Variants in SCFD2 observed in about 807,000 individuals in gnomAD.
SCFD2 encodes sec1 family domain containing 2.
SCFD2 carries 54 observed loss-of-function variants against 58.9 expected under a neutral mutation model. The observed-to-expected ratio is 0.92, with a 90% CI of 0.74 to 1.15. The LOEUF (loss-of-function observed/expected upper bound fraction) is 1.15, where lower values mean the gene tolerates loss of function less well. Among genes scored for constraint, SCFD2 ranks in the 50% most tolerant of loss-of-function variants. SCFD2 has a pLI of 0.00. For synonymous variants in SCFD2, 321 were observed against 335.9 expected (o/e 0.96, Z 0.49); for missense variants, 805 against 836.6 (o/e 0.96, Z 0.47).
intron 4 of SCFD2, among the ~76,000 whole-genome samples, chr4:53,219,788 A>G (rs1721748492): frequency 6.6e-6 from 1 of 152,120 alleles, no homozygotes; most frequent in Non-Finnish European, 1.5e-5. Flanking sequence ...CGCCCCCGCA[A>G]TATGGTTCTT....
Position 53,003,498 on chromosome 4 carries a change from T to C in SCFD2, c.1562-82628A>G, listed in dbSNP as rs79719016. Among the ~76,000 whole-genome samples the C allele has an allele frequency of 9.3e-3, 1,420 of 152,350 alleles. 7 individuals are homozygous for C. Among genetic ancestry groups the C allele is most frequent in the Non-Finnish European group, 0.016 (1,090 of 68,030 alleles). On this transcript the variant is annotated intron_variant, in intron 5 of 8. Coordinates refer to ENST00000401642, the MANE Select transcript of SCFD2 (RefSeq NM_152540.4). ...GGACATTTCCATCCTCACAGAATGT[T>C]CTACGAGATACCACTGTCTTCAAGT...
At chr4:53,231,384 C>T (rs1029068178) in intron 4 of SCFD2, among the ~76,000 whole-genome samples, 3 of 152,050 alleles carry the variant, frequency 2.0e-5, no homozygotes, top group African/African-American at 7.2e-5. Context: ...ATAGGTGGCT[C>T]GATAAATATT....
intron 8 of SCFD2, among the ~76,000 whole-genome samples, chr4:52,874,781 C>T (rs1281427434): frequency 6.6e-6 from 1 of 152,172 alleles, no homozygotes; most frequent in African/African-American, 2.4e-5. Context: ...GATTAGAGCC[C>T]ACACTAAAGA....
chr4:53,295,290 A>C (rs1731987422), intron 3 of SCFD2, among the ~76,000 whole-genome samples: 1 of 152,118 alleles, frequency 6.6e-6, no homozygotes, highest in Non-Finnish European at 1.5e-5. Context: ...ATGTTTGTCC[A>C]TTTGTTTGTG....
intron 8 of SCFD2, among the ~76,000 whole-genome samples, chr4:52,877,795 T>G (rs1718514313): frequency 6.6e-6 from 1 of 152,122 alleles, no homozygotes; most frequent in South Asian, 2.1e-4. Flanking sequence ...CTGATCGCAT[T>G]ACTCACAGGC....
In SCFD2 at chr4:52,934,019, T is replaced by C. The variant is rs528546699; in HGVS notation, c.1562-13149A>G. The stretch of plus-strand genomic sequence containing the variant: ...AATTTCCAGTCTCCAGAACCATAAA[T>C]GGAATTTCCAGTCTTCAGAACCATA... On this transcript the variant is annotated intron_variant, in intron 5 of 8. Transcript: ENST00000401642. Among the ~76,000 whole-genome samples, 134 of 152,286 alleles carry C rather than the reference T, an allele frequency of 8.8e-4. 1 individual carries two copies. The highest frequency in any genetic ancestry group is 1.7e-3 in the Non-Finnish European group (113 of 68,022).
intron 5 of SCFD2, among the ~76,000 whole-genome samples, chr4:52,965,899 T>C (rs149886324): frequency 6.6e-6 from 1 of 152,344 alleles, no homozygotes; most frequent in East Asian, 1.9e-4. Flanking sequence ...TAATACTCTA[T>C]GCTAATAATG....
chr4:53,191,887 C>T (rs1319089218), intron 4 of SCFD2, among the ~76,000 whole-genome samples: 9 of 152,150 alleles, frequency 5.9e-5, no homozygotes, highest in Non-Finnish European at 1.0e-4. Context: ...CTGGAGCACT[C>T]TTTTCCTGAT....
chr4:53,016,429 C>T (rs1349840138), intron 5 of SCFD2, among the ~76,000 whole-genome samples: 1 of 152,208 alleles, frequency 6.6e-6, no homozygotes, highest in Non-Finnish European at 1.5e-5. Context: ...CAAGTCACAT[C>T]TGACCTGTGC....
intron 5 of SCFD2, among the ~76,000 whole-genome samples, chr4:53,132,540 A>G (rs774968588): frequency 6.6e-5 from 10 of 152,264 alleles, no homozygotes; most frequent in African/African-American, 9.6e-5. Context: ...GGAAAAGTCT[A>G]ATGCTGGCAT....
At chr4:53,112,593 G>A (rs1988438621) in intron 5 of SCFD2, among the ~76,000 whole-genome samples, 1 of 152,102 alleles carries the variant, frequency 6.6e-6, no homozygotes, top group African/African-American at 2.4e-5. Flanking sequence ...TTTGAGTGAA[G>A]TAGTGTGACA....
chr4:53,315,172 A>C (rs897014048), intron 2 of SCFD2, among the ~76,000 whole-genome samples: 2 of 151,804 alleles, frequency 1.3e-5, no homozygotes, highest in Non-Finnish European at 2.9e-5. Flanking sequence ...GGAAATGATG[A>C]GCAAGTACAA....
At chr4:53,273,764 T>C in intron 4 of SCFD2, 62 bp downstream of exon 4, 1 of 1,414,554 alleles carries the variant, frequency 7.1e-7, no homozygotes, top group Non-Finnish European at 9.7e-7. Context: ...AATGTCAAGG[T>C]TTTTCTCTGG....
chr4:52,901,105 C>T (rs1341811393), intron 7 of SCFD2, among the ~76,000 whole-genome samples: 2 of 152,236 alleles, frequency 1.3e-5, no homozygotes, highest in Admixed American at 6.5e-5. Context: ...TGAGGCGATG[C>T]CTCGACCTGC....
At chr4:53,171,354 G>A (rs1385110615) in intron 4 of SCFD2, among the ~76,000 whole-genome samples, 1 of 152,096 alleles carries the variant, frequency 6.6e-6, no homozygotes, top group Non-Finnish European at 1.5e-5. Flanking sequence ...TGCATCCCAG[G>A]GATAAATCCA....
At chr4:53,166,815 A>G (rs2148932568) in intron 4 of SCFD2, among the ~76,000 whole-genome samples, 1 of 143,274 alleles carries the variant, frequency 7.0e-6, no homozygotes, top group African/African-American at 2.5e-5. Flanking sequence ...AGATGGTGTA[A>G]TATCAAAAAT....
intron 4 of SCFD2, among the ~76,000 whole-genome samples, chr4:53,238,505 C>T (rs906921983): frequency 6.0e-4 from 91 of 151,936 alleles, no homozygotes; most frequent in African/African-American, 2.2e-3. Context: ...GGGGCTGACC[C>T]CCCCACCTCC....
At chr4:53,229,881 G>T (rs1035456363) in intron 4 of SCFD2, among the ~76,000 whole-genome samples, 19 of 152,038 alleles carry the variant, frequency 1.2e-4, no homozygotes, top group African/African-American at 4.3e-4. Flanking sequence ...ATCTGACAAA[G>T]GGCTAATATC....
At chr4:53,102,612 T>C (rs1399012041) in intron 5 of SCFD2, among the ~76,000 whole-genome samples, 2 of 151,952 alleles carry the variant, frequency 1.3e-5, no homozygotes, top group African/African-American at 4.8e-5. Context: ...TAAAATTACA[T>C]TAAAATATGA....
Sources: allele counts gnomAD v4.1 joint callset (sites outside exome capture counted in the v4.1 genomes callset), GRCh38; gene constraint gnomAD v4.1.1; transcripts MANE v1.5; gene names NCBI Gene and HGNC (gene_info 2026-07-23, HGNC 2026-07-21).